The following CBFA2T2 variants were observed in gnomAD, a reference collection of about 807,000 sequenced individuals.
CBFA2T2 encodes CBFA2/RUNX1 partner transcriptional co-repressor 2, also known as protein CBFA2T2.
CBFA2T2 carries 11 observed loss-of-function variants against 62.2 expected under a neutral mutation model. The observed-to-expected ratio is 0.18, with a 90% CI of 0.11 to 0.29. CBFA2T2 has a LOEUF of 0.29. Among genes scored for constraint, CBFA2T2 ranks in the 10% least tolerant of loss-of-function variants. The pLI, the probability that CBFA2T2 is intolerant of heterozygous loss-of-function variation, is 1.00. For missense variants in CBFA2T2, 592 were observed against 774.1 expected (o/e 0.76, Z 2.79); for synonymous variants, 295 against 287.5 (o/e 1.03, Z -0.27).
chr20:33,640,756 T>A (rs4911352), intron 10 of CBFA2T2, among the ~76,000 whole-genome samples: 3 of 151,026 alleles, frequency 2.0e-5, no homozygotes, highest in African/African-American at 7.3e-5. Context: ...CATATATATA[T>A]AGAGAGAGAG....
chr20:33,615,909 G>A (rs994044818), intron 3 of CBFA2T2, among the ~76,000 whole-genome samples: 2 of 152,000 alleles, frequency 1.3e-5, no homozygotes, highest in African/African-American at 2.4e-5. Context: ...AAAAATATAG[G>A]TAAGTAAATA....
intron 1 of CBFA2T2, among the ~76,000 whole-genome samples, chr20:33,525,959 A>G (rs549343830): frequency 2.6e-4 from 39 of 151,838 alleles, no homozygotes; most frequent in Admixed American, 9.8e-4. Flanking sequence ...TGGCCACGTA[A>G]TCTACTTTCT....
At chr20:33,589,034 G>C (rs1383027533) in intron 1 of CBFA2T2, among the ~76,000 whole-genome samples, 2 of 152,154 alleles carry the variant, frequency 1.3e-5, no homozygotes, top group African/African-American at 4.8e-5. Flanking sequence ...AAATGCATTT[G>C]ATTAAGCTGA....
intron 1 of CBFA2T2, among the ~76,000 whole-genome samples, chr20:33,507,474 T>A (rs2011423733): frequency 6.6e-6 from 1 of 152,168 alleles, no homozygotes; most frequent in South Asian, 2.1e-4. Flanking sequence ...CATAAAAAAA[T>A]AATTTTTGGA....
At chr20:33,591,182 A>G (rs111686767) in intron 1 of CBFA2T2, among the ~76,000 whole-genome samples, 1,546 of 148,220 alleles carry the variant, frequency 0.01, 65 homozygotes, top group Middle Eastern at 0.036. Context: ...TCCCTCTCAA[A>G]AAAAAAAGTA....
chr20:33,607,357 T>C (rs983882269), intron 2 of CBFA2T2, among the ~76,000 whole-genome samples: 4 of 152,252 alleles, frequency 2.6e-5, no homozygotes, highest in Admixed American at 6.5e-5. Flanking sequence ...TTTTATTTCT[T>C]TGACTCTAAC....
At chr20:33,520,660 A>G (rs2011703043) in intron 1 of CBFA2T2, among the ~76,000 whole-genome samples, 1 of 152,036 alleles carries the variant, frequency 6.6e-6, no homozygotes, top group African/African-American at 2.4e-5. Flanking sequence ...ATTCCAAGCT[A>G]CTTGGGAGGT....
intron 1 of CBFA2T2, among the ~76,000 whole-genome samples, chr20:33,546,480 T>G (rs114043134): frequency 8.3e-4 from 122 of 147,706 alleles, no homozygotes; most frequent in African/African-American, 3.0e-3. Flanking sequence ...CAGGCTGGAG[T>G]GTAGTAGCAG....
intron 1 of CBFA2T2, among the ~76,000 whole-genome samples, chr20:33,570,127 AG>A (rs1353151806): frequency 1.3e-5 from 2 of 152,168 alleles, no homozygotes; most frequent in African/African-American, 4.8e-5. Context: ...AAAAATACAA[AG>A]AAACTAGCCA....
intron 1 of CBFA2T2, among the ~76,000 whole-genome samples, chr20:33,542,755 T>C (rs904451396): frequency 6.6e-6 from 1 of 151,992 alleles, no homozygotes; most frequent in Non-Finnish European, 1.5e-5. Context: ...CATTGCAACC[T>C]CCTCCTCCCA....
intron 1 of CBFA2T2, among the ~76,000 whole-genome samples, chr20:33,596,180 A>T (rs534412663): frequency 5.1e-4 from 78 of 152,314 alleles, no homozygotes; most frequent in African/African-American, 1.9e-3. Flanking sequence ...TGAGGGAGTA[A>T]TGAAAATTTT....
chr20:33,620,627 G>T (rs946150577), intron 4 of CBFA2T2, among the ~76,000 whole-genome samples: 3 of 152,334 alleles, frequency 2.0e-5, no homozygotes, highest in African/African-American at 7.2e-5. Flanking sequence ...ATTACCTGAG[G>T]TCAGGAGTTA....
chr20:33,596,505 A>G (rs2014896463), intron 1 of CBFA2T2, among the ~76,000 whole-genome samples: 2 of 152,136 alleles, frequency 1.3e-5, no homozygotes, highest in Admixed American at 6.5e-5. Context: ...CCGGTAGATT[A>G]TACTCTTTAC....
In CBFA2T2 at chr20:33,618,173, C is replaced by CTT. The variant is rs58066954; in HGVS notation, c.421-1330_421-1329dup. Among the ~76,000 whole-genome samples, 179 of 138,332 alleles carry CTT rather than the reference C, an allele frequency of 1.3e-3. 1 individual carries two copies. The highest frequency in any genetic ancestry group is 7.5e-3 in the Middle Eastern group (2 of 268). 90.8% of individuals were successfully genotyped at this position (138,332 alleles called of 152,430 possible). On this transcript the variant is annotated intron_variant, in intron 3 of 10. Transcript: ENST00000342704. ...TCTGTTGGTAGATCTATATATTTTCCTTTTTTTTTTTTTTTGTTAGGAAAA... is the reference window on the plus strand; with the variant it reads ...TCTGTTGGTAGATCTATATATTTTCCTTTTTTTTTTTTTTTTTGTTAGGAAAA...
At chr20:33,492,294 C>A (rs565780602) in intron 1 of CBFA2T2, among the ~76,000 whole-genome samples, 2 of 151,990 alleles carry the variant, frequency 1.3e-5, no homozygotes, top group East Asian at 3.9e-4. Context: ...GCTGGGATTA[C>A]GAGCGTGAGT....
rs866670380 is a variant in CBFA2T2, at chr20:33,642,163, T to G, written c.1488+1632T>G. ...GTGTGTGTGTGTGTGTGTGTGTGTGTGGATAACAGGGTCTCACTATATTGC... is the reference window on the plus strand; with the variant it reads ...GTGTGTGTGTGTGTGTGTGTGTGTGGGGATAACAGGGTCTCACTATATTGC... On this transcript the variant is annotated intron_variant, in intron 10 of 10. Transcript: ENST00000342704. Among the ~76,000 whole-genome samples the G allele has an allele frequency of 1.0e-4, 15 of 146,908 alleles. 1 individual carries two copies. In the South Asian group the frequency reaches 2.4e-3, roughly 23 times the overall value.
chr20:33,627,837 T>C (rs1453946582), intron 6 of CBFA2T2, among the ~76,000 whole-genome samples: 2 of 152,198 alleles, frequency 1.3e-5, no homozygotes, highest in Non-Finnish European at 2.9e-5. Context: ...AGTAGACAAT[T>C]CTTACTGGTA....
At chr20:33,559,873 A>G (rs1002807448) in intron 1 of CBFA2T2, among the ~76,000 whole-genome samples, 2 of 152,148 alleles carry the variant, frequency 1.3e-5, no homozygotes, top group African/African-American at 4.8e-5. Context: ...AGTCCTTGGG[A>G]CATAACTCCA....
At chr20:33,570,303 G>A (rs1025418156) in intron 1 of CBFA2T2, among the ~76,000 whole-genome samples, 30 of 151,994 alleles carry the variant, frequency 2.0e-4, no homozygotes, top group Non-Finnish European at 4.0e-4. Context: ...AACAAAAAAA[G>A]ATACTAGAAT....
Sources: allele counts gnomAD v4.1 joint callset (sites outside exome capture counted in the v4.1 genomes callset), GRCh38; gene constraint gnomAD v4.1.1; transcripts MANE v1.5; gene names NCBI Gene and HGNC (gene_info 2026-07-23, HGNC 2026-07-21).